The following RYK variants were observed in gnomAD, a reference collection of about 807,000 sequenced individuals.
The protein encoded by RYK is inactive tyrosine-protein kinase RYK.
Under a neutral mutation model 70.2 loss-of-function variants are expected in RYK, and 21 were observed. The observed-to-expected ratio is 0.30, with a 90% CI of 0.21 to 0.43. The LOEUF is 0.43. Among genes scored for constraint, RYK ranks in the 20% least tolerant of loss-of-function variants. The pLI is 1.00. For synonymous variants in RYK, 267 were observed against 278.0 expected, an observed-to-expected ratio of 0.96 and a Z score of 0.39; for missense variants, 604 against 753.3, an observed-to-expected ratio of 0.80 and a Z score of 2.32.
chr3:134,232,991 C>T (rs925884362), intron 1 of RYK, among the ~76,000 whole-genome samples: 6 of 152,232 alleles, frequency 3.9e-5, no homozygotes, highest in African/African-American at 1.4e-4. Context: ...CCCAGGACTC[C>T]CTGCTCAAAG....
chr3:134,235,266 C>T (rs921579668), intron 1 of RYK, among the ~76,000 whole-genome samples: 1 of 152,004 alleles, frequency 6.6e-6, no homozygotes, highest in Admixed American at 6.5e-5. Flanking sequence ...ATTGAAAATA[C>T]ATTCATCAAA....
chr3:134,202,990 G>GT (rs1240829809), intron 5 of RYK, 116 bp from the exon 6 acceptor site: 53 of 769,928 alleles, frequency 6.9e-5, no homozygotes, highest in Non-Finnish European at 9.7e-5. Context: ...TGTAAGATCA[G>GT]TTACCAGTAG....
intron 2 of RYK, among the ~76,000 whole-genome samples, chr3:134,217,198 G>A (rs2014583117): frequency 6.6e-6 from 1 of 152,218 alleles, no homozygotes; most frequent in Admixed American, 6.5e-5. Flanking sequence ...CAGGGAGCCT[G>A]CAGATCTCTG....
At chr3:134,173,744 C>A (rs6776195) in intron 13 of RYK, among the ~76,000 whole-genome samples, 13,133 of 152,004 alleles carry the variant, frequency 0.086, 1,174 homozygotes, top group South Asian at 0.33. Flanking sequence ...CAAACCATAT[C>A]AATATCAAAT....
At chr3:134,164,258 T>C (rs2012579471) in intron 13 of RYK, among the ~76,000 whole-genome samples, 1 of 152,218 alleles carries the variant, frequency 6.6e-6, no homozygotes, top group African/African-American at 2.4e-5. Flanking sequence ...TTTATTTTTA[T>C]TGTAGTACAG....
chr3:134,224,451 A>G (rs190226214), intron 1 of RYK, among the ~76,000 whole-genome samples: 2 of 152,356 alleles, frequency 1.3e-5, no homozygotes, highest in East Asian at 3.9e-4. Flanking sequence ...CCAGGTGTAC[A>G]GGATGGAACA....
At chr3:134,202,695 T>C (rs765983650) in intron 6 of RYK, 35 bp downstream of exon 6, 3 of 1,599,020 alleles carry the variant, frequency 1.9e-6, no homozygotes, top group Non-Finnish European at 2.6e-6. Context: ...AATAACTGCT[T>C]TCATTTTTTT....
chr3:134,189,542 T>C (rs892277638), intron 8 of RYK, among the ~76,000 whole-genome samples: 9 of 151,850 alleles, frequency 5.9e-5, no homozygotes, highest in Non-Finnish European at 1.2e-4. Context: ...AGGCGGGTCA[T>C]GAGGTCAGGA....
chr3:134,197,881 A>C (rs2013863998), intron 6 of RYK, among the ~76,000 whole-genome samples: 1 of 152,212 alleles, frequency 6.6e-6, no homozygotes, highest in Non-Finnish European at 1.5e-5. Context: ...GCTACCTCAG[A>C]ATTTTTGAAA....
rs74654504 is a variant in RYK, at chr3:134,242,511, C to T, written c.232+7912G>A. ...AGAAAATATTGCACTTGATTTACAT[C>T]AACAACGCACAAAAATGTATACCTT... is the stretch of plus-strand genomic sequence containing the variant. On this transcript the variant is annotated intron_variant, in intron 1 of 14. Transcript: ENST00000623711. 3.3e-3 allele frequency among the ~76,000 whole-genome samples: 508 copies of T among 152,274 alleles called. 4 individuals are homozygous for T. Among genetic ancestry groups the T allele is most frequent in the African/African-American group, 0.012 (491 of 41,540 alleles).
At chr3:134,175,162 C>T (rs75099776) in intron 13 of RYK, among the ~76,000 whole-genome samples, 1 of 152,016 alleles carries the variant, frequency 6.6e-6, no homozygotes, top group African/African-American at 2.4e-5. Flanking sequence ...ATGGTGAAAC[C>T]CCGTCTCTAC....
intron 6 of RYK, among the ~76,000 whole-genome samples, chr3:134,200,408 G>T (rs890452155): frequency 1.3e-5 from 2 of 152,050 alleles, no homozygotes; most frequent in African/African-American, 2.4e-5. Flanking sequence ...CCCACCAGAA[G>T]GGAAGAAACT....
chr3:134,186,179 C>A (rs1166775150), intron 9 of RYK, among the ~76,000 whole-genome samples: 1 of 152,102 alleles, frequency 6.6e-6, no homozygotes, highest in African/African-American at 2.4e-5. Flanking sequence ...CAAACTGATT[C>A]ATTTATTTTA....
At chr3:134,169,522 T>C (rs2012818046) in intron 13 of RYK, among the ~76,000 whole-genome samples, 1 of 152,208 alleles carries the variant, frequency 6.6e-6, no homozygotes, top group Non-Finnish European at 1.5e-5. Context: ...ATTAGACATT[T>C]ATAACTAGTC....
At position 134,250,426 on chromosome 3, in the gene RYK, T is replaced by G; in HGVS notation, c.229A>C (p.Ile77Leu). ...YLSEDEVRRL[I>L]GLDAELYYVR... is the part of the protein sequence containing the mutation. Reference sequence around the variant, plus strand: ...CGGCCTCGGCGGCCCCACTCACCGATCAGCCGGCGCACCTCGTCCTCGCTC... The same window carrying G: ...CGGCCTCGGCGGCCCCACTCACCGAGCAGCCGGCGCACCTCGTCCTCGCTC... The change falls in exon 1 of 15, where the codon ATC (isoleucine) becomes CTC (leucine). Residue 77 changes from isoleucine (I) to leucine (L), a missense_variant. By Grantham distance (5) the Ile-to-Leu change is conservative. Coordinates refer to ENST00000623711, the MANE Select transcript of RYK (RefSeq NM_002958.4). 3 of 1,400,136 alleles carry G rather than the reference T, an allele frequency of 2.1e-6. No individual in the cohort carries two copies. Among genetic ancestry groups the G allele is most frequent in the Non-Finnish European group, 2.8e-6 (3 of 1,074,640 alleles). The allele number at this position is 1,400,136 out of a possible 1,614,324, so 86.7% of individuals were successfully genotyped here.
At chr3:134,171,505 CA>C (rs1008114552) in intron 13 of RYK, among the ~76,000 whole-genome samples, 5 of 152,012 alleles carry the variant, frequency 3.3e-5, no homozygotes, top group Non-Finnish European at 7.4e-5. Context: ...ATAAATGTTA[CA>C]AAAAAATAAT....
intron 3 of RYK, among the ~76,000 whole-genome samples, chr3:134,211,135 G>A (rs928219139): frequency 1.9e-4 from 29 of 152,200 alleles, no homozygotes; most frequent in Non-Finnish European, 1.0e-4. Context: ...GTTGATGGGA[G>A]TGGAGAGCAC....
chr3:134,208,724 G>C (rs961582342), intron 4 of RYK, among the ~76,000 whole-genome samples: 1 of 152,114 alleles, frequency 6.6e-6, no homozygotes, highest in African/African-American at 2.4e-5. Context: ...GAGAGAACAG[G>C]TCTGCATCCT....
intron 5 of RYK, among the ~76,000 whole-genome samples, chr3:134,204,654 A>C (rs1291640698): frequency 6.6e-6 from 1 of 151,606 alleles, no homozygotes; most frequent in Non-Finnish European, 1.5e-5. Context: ...GAAAAAACAC[A>C]CAGCAAGATA....
Sources: allele counts gnomAD v4.1 joint callset (sites outside exome capture counted in the v4.1 genomes callset), GRCh38; gene constraint gnomAD v4.1.1; transcripts MANE v1.5; gene names NCBI Gene and HGNC (gene_info 2026-07-23, HGNC 2026-07-21).